ADAMTSL1: variants seen among roughly 807,000 people sequenced by gnomAD.
ADAMTSL1 encodes the protein ADAMTS like 1.
Under a neutral mutation model 201.8 loss-of-function variants are expected in ADAMTSL1, and 126 were observed. That is an observed-to-expected ratio of 0.62 (90% CI 0.54 to 0.72). The LOEUF (loss-of-function observed/expected upper bound fraction) is 0.72. ADAMTSL1 is among the 30% of genes least tolerant of loss of function. ADAMTSL1 has a pLI of 0.00. For synonymous variants in ADAMTSL1, 1,121 were observed against 903.4 expected, an observed-to-expected ratio of 1.24 and a Z score of -4.32; for missense variants, 2,679 against 2,277.8, an observed-to-expected ratio of 1.18 and a Z score of -3.59.
At chr9:18,017,076 G>A (rs757956490) in intron 1 of ADAMTSL1, among the ~76,000 whole-genome samples, 3 of 151,788 alleles carry the variant, frequency 2.0e-5, no homozygotes, top group African/African-American at 2.4e-5. Context: ...TTCAACACTG[G>A]GACCCATGCA....
intron 1 of ADAMTSL1, among the ~76,000 whole-genome samples, chr9:18,036,181 C>G (rs983440253): frequency 2.6e-5 from 4 of 152,120 alleles, no homozygotes; most frequent in African/African-American, 9.7e-5. Context: ...TACTTTAAAG[C>G]ATTACTGGTT....
At chr9:18,037,078 A>T (rs1033393047) in intron 1 of ADAMTSL1, among the ~76,000 whole-genome samples, 3 of 152,164 alleles carry the variant, frequency 2.0e-5, no homozygotes, top group Non-Finnish European at 4.4e-5. Flanking sequence ...TGATATCTTT[A>T]TGACTACAAC....
chr9:18,348,063 C>T (rs948796500), intron 2 of ADAMTSL1, among the ~76,000 whole-genome samples: 1 of 152,140 alleles, frequency 6.6e-6, no homozygotes, highest in Non-Finnish European at 1.5e-5. Flanking sequence ...AGCTTCCTTC[C>T]AAAATAGACC....
rs548144621 is a variant in ADAMTSL1 at position 17,915,439 on chromosome 9, C to T, written c.87+8517C>T. Among the ~76,000 whole-genome samples, 5 of 152,236 alleles carry T rather than the reference C, an allele frequency of 3.3e-5. No homozygotes were observed. The South Asian group carries it at 1.0e-3, about 32-fold the overall frequency. On this transcript the variant is annotated intron_variant, in intron 1 of 29. Coordinates refer to the ADAMTSL1 transcript ENST00000680146. ...AGTATTGCATTGTATAGATAGACCA[C>T]AGTTTGTTGTCCATCAGCATTCACC...
intron 15 of ADAMTSL1, among the ~76,000 whole-genome samples, chr9:18,743,641 CAGG>C (rs905089684): frequency 6.6e-6 from 1 of 152,272 alleles, no homozygotes; most frequent in African/African-American, 2.4e-5. Flanking sequence ...GGCAGACTTC[CAGG>C]AGAAGTGTGG....
intron 1 of ADAMTSL1, among the ~76,000 whole-genome samples, chr9:17,969,385 G>A (rs905939467): frequency 6.6e-6 from 1 of 152,024 alleles, no homozygotes; most frequent in South Asian, 2.1e-4. Context: ...TACAAGGAAG[G>A]AAGCTGAGAT....
rs113039631 is a variant in ADAMTSL1, at chr9:17,909,987, G to GA, written c.87+3078dup. Among the ~76,000 whole-genome samples, 74 of 52,472 alleles carry GA rather than the reference G, an allele frequency of 1.4e-3. 11 individuals are homozygous for GA. The highest frequency in any genetic ancestry group is 4.2e-3 in the South Asian group (3 of 706). 34.4% of individuals were successfully genotyped at this position (52,472 alleles called of 152,430 possible). Reference sequence around the variant, plus strand: ...CCTAAAACTTAAAGTATAATTAAAAGAAAAAAAAAAAAAGAATCATGGCCC... The same window carrying GA: ...CCTAAAACTTAAAGTATAATTAAAAGAAAAAAAAAAAAAAGAATCATGGCCC... On this transcript the variant is annotated intron_variant, in intron 1 of 29. Coordinates refer to the ADAMTSL1 transcript ENST00000680146.
chr9:18,525,624 A>G (rs555962435), intron 2 of ADAMTSL1, among the ~76,000 whole-genome samples: 87 of 152,150 alleles, frequency 5.7e-4, no homozygotes, highest in Non-Finnish European at 8.2e-4. Flanking sequence ...AATGTGTCCC[A>G]GAGATTCTGG....
intron 1 of ADAMTSL1, among the ~76,000 whole-genome samples, chr9:18,155,941 G>A (rs759768444): frequency 1.3e-5 from 2 of 152,040 alleles, no homozygotes; most frequent in Non-Finnish European, 2.9e-5. Flanking sequence ...GAGGATGCTG[G>A]AAGAGCTATC....
chr9:18,095,875 T>C (rs1015934641), intron 1 of ADAMTSL1, among the ~76,000 whole-genome samples: 3 of 152,222 alleles, frequency 2.0e-5, no homozygotes, highest in Admixed American at 2.0e-4. Flanking sequence ...GAGTCAGCAA[T>C]GCCTACTGCT....
chr9:18,110,078 T>C (rs968495239), intron 1 of ADAMTSL1, among the ~76,000 whole-genome samples: 1 of 152,120 alleles, frequency 6.6e-6, no homozygotes, highest in East Asian at 1.9e-4. Flanking sequence ...AGCTTCTAGA[T>C]GCCTTTTCTT....
intron 23 of ADAMTSL1, among the ~76,000 whole-genome samples, chr9:18,866,970 A>G (rs545360929): frequency 4.7e-4 from 71 of 152,338 alleles, no homozygotes; most frequent in African/African-American, 1.6e-3. Flanking sequence ...GGCAAGAGGA[A>G]CAAATCCTTT....
At chr9:18,382,178 C>A (rs989017873) in intron 2 of ADAMTSL1, among the ~76,000 whole-genome samples, 3 of 152,100 alleles carry the variant, frequency 2.0e-5, no homozygotes, top group African/African-American at 7.2e-5. Context: ...CTTTTAAAAC[C>A]ACTTACCGTG....
intron 1 of ADAMTSL1, among the ~76,000 whole-genome samples, chr9:17,985,095 T>C (rs2131478106): frequency 6.6e-6 from 1 of 152,270 alleles, no homozygotes; most frequent in African/African-American, 2.4e-5. Flanking sequence ...CCAAGTACCG[T>C]CACTCTTTTA....
chr9:18,476,989 G>C (rs181050166), intron 1 of ADAMTSL1, among the ~76,000 whole-genome samples: 20 of 152,318 alleles, frequency 1.3e-4, no homozygotes, highest in Admixed American at 1.2e-3. Context: ...ATATTTTCAT[G>C]CACAGAACTT....
chr9:18,407,055 A>G (rs376162910), intron 2 of ADAMTSL1, among the ~76,000 whole-genome samples: 1 of 152,222 alleles, frequency 6.6e-6, no homozygotes, highest in South Asian at 2.1e-4. Context: ...TAGGACTATA[A>G]AAATGGAAAT....
chr9:18,156,412 T>G (rs1185454830), intron 1 of ADAMTSL1, among the ~76,000 whole-genome samples: 3 of 152,016 alleles, frequency 2.0e-5, no homozygotes, highest in African/African-American at 7.2e-5. Context: ...GCAACTCACT[T>G]TAGATAAGCC....
At chr9:18,709,517 G>A (rs946360883) in intron 14 of ADAMTSL1, among the ~76,000 whole-genome samples, 2 of 152,204 alleles carry the variant, frequency 1.3e-5, no homozygotes, top group African/African-American at 2.4e-5. Flanking sequence ...AGCAGAGGTA[G>A]CAACCAGAAG....
At chr9:18,688,855 G>GGA (rs1379719650) in intron 13 of ADAMTSL1, among the ~76,000 whole-genome samples, 4 of 150,102 alleles carry the variant, frequency 2.7e-5, no homozygotes, top group Non-Finnish European at 5.9e-5. Context: ...TAAGACTCTG[G>GGA]GAGAGTTCCA....
Sources: gnomAD v4.1 joint callset for allele counts (sites outside exome capture counted in the v4.1 genomes callset) on GRCh38, gnomAD v4.1.1 for gene constraint, MANE v1.5 for transcripts, NCBI Gene and HGNC (gene_info 2026-07-23, HGNC 2026-07-21) for gene names.